PMVK: variants seen among roughly 807,000 people sequenced by gnomAD.
PMVK encodes phosphomevalonate kinase.
In PMVK, 10 loss-of-function variants were observed where a neutral mutation model predicts 19.0. The ratio of observed to expected loss-of-function variants is 0.53; its 90% confidence interval spans 0.32 to 0.89. The LOEUF (loss-of-function observed/expected upper bound fraction) is 0.89. Ranked by LOEUF, PMVK falls within the 40% of genes least tolerant of loss-of-function variation. PMVK has a pLI of 0.03. For synonymous variants in PMVK, 108 were observed against 101.6 expected (o/e 1.06, Z -0.38); for missense variants, 222 against 251.1 (o/e 0.88, Z 0.78).
upstream of PMVK, among the ~76,000 whole-genome samples, chr1:154,940,304 A>G (rs976205864): frequency 1.3e-5 from 2 of 152,208 alleles, no homozygotes; most frequent in Non-Finnish European, 2.9e-5. Context: ...GATGACCTCA[A>G]TGGATGACCC....
At chr1:154,934,483 A>T (rs1457795231) in intron 1 of PMVK, among the ~76,000 whole-genome samples, 1 of 151,732 alleles carries the variant, frequency 6.6e-6, no homozygotes, top group Non-Finnish European at 1.5e-5. Flanking sequence ...TACCCAGCTA[A>T]TTTTTTTTAT....
At chr1:154,933,384 G>C (rs991545079) in intron 1 of PMVK, among the ~76,000 whole-genome samples, 2 of 150,658 alleles carry the variant, frequency 1.3e-5, no homozygotes, top group Non-Finnish European at 3.0e-5. Context: ...AGTGAGCCGA[G>C]ATCGCCCCAT....
chr1:154,942,573 T>C, the PMVK span, among the ~76,000 whole-genome samples: 1 of 152,234 alleles, frequency 6.6e-6, no homozygotes, highest in South Asian at 2.1e-4. Flanking sequence ...CTCCCCAACA[T>C]ACCCCTTGGG....
rs1654371577 is a variant in PMVK, at chr1:154,932,552, T to A, written c.96-137A>T. On this transcript the variant is annotated intron_variant, in intron 1 of 4. Transcript: ENST00000368467. ...TATGTAACTTTGGTAGGTCTCAATG[T>A]CCCTGATCCTGTTTCCTCATCAGAA... The A allele has an allele frequency of 1.4e-5, 8 of 583,220 alleles. No homozygotes were observed. In the South Asian group the frequency reaches 1.7e-4, roughly 12 times the overall value. The allele number at this position is 583,220 out of a possible 1,614,324, so 36.1% of individuals were successfully genotyped here.
chr1:154,939,921 T>G (rs1049364797), upstream of PMVK, among the ~76,000 whole-genome samples: 1 of 144,004 alleles, frequency 6.9e-6, no homozygotes, highest in Admixed American at 7.2e-5. Context: ...TGTGCCACCA[T>G]GCTGAGTTAA....
intron 3 of PMVK, among the ~76,000 whole-genome samples, chr1:154,927,704 A>T (rs1654212102): frequency 6.7e-6 from 1 of 150,068 alleles, no homozygotes; most frequent in Non-Finnish European, 1.5e-5. Context: ...CCTCAGACAC[A>T]CCAGGCACAC....
chr1:154,928,212 A>G (rs1654228114), intron 3 of PMVK, among the ~76,000 whole-genome samples: 1 of 152,212 alleles, frequency 6.6e-6, no homozygotes, highest in Non-Finnish European at 1.5e-5. Flanking sequence ...GAAGCTAACC[A>G]GGGAAAGAGA....
chr1:154,936,586 G>A lies in PMVK; in HGVS notation c.95+5C>T, dbSNP rs752474788. On this transcript the variant is annotated splice_donor_5th_base_variant and intron_variant, in intron 1 of 4. Coordinates refer to ENST00000368467, the MANE Select transcript of PMVK (RefSeq NM_006556.4). ...CCCCTTCCACCTTTCCCGCCTCACG[G>A]ACACCTGCTCTGCAGCGCCTCGGTC... 1.3e-6 allele frequency: 2 copies of A among 1,597,478 alleles called. No individual in the cohort carries two copies. Among genetic ancestry groups the A allele is most frequent in the Admixed American group, 3.5e-5 (2 of 57,658 alleles).
At chr1:154,937,785 A>C (rs1379549327), upstream of PMVK, 1 of 152,242 alleles carries the variant, frequency 6.6e-6, no homozygotes, top group Non-Finnish European at 1.5e-5. Context: ...AAAGAGGCAC[A>C]GGAGAGTGGT....
intron 1 of PMVK, among the ~76,000 whole-genome samples, chr1:154,934,952 C>G (rs1177071274): frequency 1.3e-5 from 2 of 150,240 alleles, no homozygotes; most frequent in African/African-American, 4.9e-5. Flanking sequence ...ATCCCAGCTA[C>G]TCGGGAGGCT....
upstream of PMVK, chr1:154,936,926 G>C: frequency 1.9e-6 from 1 of 518,830 alleles, no homozygotes; most frequent in East Asian, 3.4e-5. Flanking sequence ...TCACAGAGCA[G>C]CCTCCCCTCG....
rs149231731 is a variant in PMVK, at chr1:154,926,413, G to A, written c.383C>T (p.Thr128Met). 96 of 1,613,686 alleles carry A rather than the reference G, an allele frequency of 5.9e-5. No individual in the cohort carries two copies. Among genetic ancestry groups the A allele is most frequent in the South Asian group, 4.3e-4 (39 of 91,058 alleles). ...CTGCTCCAACGCTACAACGCGGACC[G>A]TCTGCGTCACGGCCCCATAGGCCTC... ...FREAYGAVTQ[T>M]VRVVALEQSR... The change falls in exon 4 of 5, where the codon ACG becomes ATG. Residue 128 changes from threonine to methionine, a missense_variant. Coordinates refer to ENST00000368467, the MANE Select transcript of PMVK (RefSeq NM_006556.4).
At chr1:154,927,815 ACAT>A (rs1298856210) in intron 3 of PMVK, among the ~76,000 whole-genome samples, 1 of 152,076 alleles carries the variant, frequency 6.6e-6, no homozygotes, top group African/African-American at 2.4e-5. Flanking sequence ...TCTTGCTCAA[ACAT>A]CATCATATCA....
chr1:154,927,995 G>A (rs1654220681), intron 3 of PMVK, among the ~76,000 whole-genome samples: 1 of 152,104 alleles, frequency 6.6e-6, no homozygotes. Flanking sequence ...TAAGCTCCCT[G>A]AAGGAAGAGA....
At chr1:154,935,664 AG>A (rs1329946787) in intron 1 of PMVK, among the ~76,000 whole-genome samples, 2 of 152,130 alleles carry the variant, frequency 1.3e-5, no homozygotes, top group Non-Finnish European at 2.9e-5. Context: ...GTGACCAGCA[AG>A]GGTTTTTTGT....
At chr1:154,934,289 G>A (rs1230561195) in intron 1 of PMVK, among the ~76,000 whole-genome samples, 1 of 152,132 alleles carries the variant, frequency 6.6e-6, no homozygotes, top group African/African-American at 2.4e-5. Flanking sequence ...GTGAGCCACT[G>A]CGCCCAACGA....
At chr1:154,933,620 A>G (rs1205771602) in intron 1 of PMVK, among the ~76,000 whole-genome samples, 3 of 147,978 alleles carry the variant, frequency 2.0e-5, no homozygotes, top group African/African-American at 7.5e-5. Flanking sequence ...CGGCCTCCCA[A>G]GTAGCTGGGA....
chr1:154,930,718 C>T (rs1333250011), intron 2 of PMVK, among the ~76,000 whole-genome samples: 2 of 146,488 alleles, frequency 1.4e-5, no homozygotes, highest in Non-Finnish European at 3.0e-5. Flanking sequence ...CCTGCAGCAT[C>T]GCTCCCAGTC....
Position 154,925,018 on chromosome 1 carries a change from A to G in PMVK, c.*111T>C. ...ATCCACCAACCCCCTCAGAATCTAG[A>G]CCCCCCCTGTCTGTTCCTCACCTCG... On this transcript the variant is annotated 3_prime_UTR_variant, in exon 5 of 5. Coordinates refer to ENST00000368467, the MANE Select transcript of PMVK (RefSeq NM_006556.4). 1.1e-5 allele frequency: 5 copies of G among 475,186 alleles called. No individual in the cohort carries two copies. Among genetic ancestry groups the G allele is most frequent in the East Asian group, 6.8e-5 (1 of 14,754 alleles). 29.4% of individuals were successfully genotyped at this position (475,186 alleles called of 1,614,324 possible). A position where few individuals can be genotyped will look rare whatever the true frequency, so the allele number is the denominator to read the frequency against.
Sources: gnomAD v4.1 joint callset for allele counts (sites outside exome capture counted in the v4.1 genomes callset) on GRCh38, gnomAD v4.1.1 for gene constraint, MANE v1.5 for transcripts, NCBI Gene and HGNC (gene_info 2026-07-23, HGNC 2026-07-21) for gene names.